CRHR2: variants seen among roughly 807,000 people sequenced by gnomAD.
CRHR2 encodes the protein corticotropin-releasing hormone receptor 2.
In CRHR2, 53 loss-of-function variants were observed where a neutral mutation model predicts 57.9. That is an observed-to-expected ratio of 0.92 (90% CI 0.73 to 1.15). The LOEUF is 1.15. CRHR2 is among the 50% of genes most tolerant of loss of function. The pLI, the probability that CRHR2 is intolerant of heterozygous loss-of-function variation, is 0.00. For missense variants in CRHR2, 532 were observed against 542.6 expected (o/e 0.98, Z 0.19); for synonymous variants, 213 against 220.9 (o/e 0.96, Z 0.32).
intron 1 of CRHR2, among the ~76,000 whole-genome samples, chr7:30,694,143 G>A (rs963611003): frequency 6.6e-6 from 1 of 152,204 alleles, no homozygotes; most frequent in African/African-American, 2.4e-5. Flanking sequence ...TGAAACCATG[G>A]CCCCCTCAGC....
At chr7:30,660,043 A>G (rs1783937001) in intron 8 of CRHR2, among the ~76,000 whole-genome samples, 1 of 152,172 alleles carries the variant, frequency 6.6e-6, no homozygotes, top group Non-Finnish European at 1.5e-5. Flanking sequence ...TGGATTAAAG[A>G]TGTGTGGCAA....
At chr7:30,668,560 G>C (rs1784257673) in intron 2 of CRHR2, among the ~76,000 whole-genome samples, 1 of 152,158 alleles carries the variant, frequency 6.6e-6, no homozygotes, top group South Asian at 2.1e-4. Flanking sequence ...GGAACCTTAG[G>C]TTGTTTTTGG....
At chr7:30,688,971 C>G in intron 2 of CRHR2, 1 of 644,004 alleles carries the variant, frequency 1.6e-6, no homozygotes, top group Middle Eastern at 2.4e-4. Context: ...GGAGTGGCCT[C>G]CCAGCCAAGC....
intron 8 of CRHR2, among the ~76,000 whole-genome samples, chr7:30,658,117 T>C (rs986979716): frequency 6.6e-6 from 1 of 152,124 alleles, no homozygotes; most frequent in African/African-American, 2.4e-5. Flanking sequence ...TGAGCCTGTT[T>C]CCCAGCCTCC....
rs753973145 is a variant in CRHR2, at chr7:30,662,735, G to C, written c.656C>G (p.Thr219Ser). ...GAAGAGGCACTTGCGCAGGCGCTCAGTGGAGTAGGTCATGACAATGGCCGT... is the reference window on the plus strand; with the variant it reads ...GAAGAGGCACTTGCGCAGGCGCTCACTGGAGTAGGTCATGACAATGGCCGT... Reference protein sequence around the residue: ...LHTAIVMTYSTERLRKCLFLF... With the variant: ...LHTAIVMTYSSERLRKCLFLF... Residue 219 changes from threonine (T) to serine (S), a missense_variant, in exon 6 of 12, where the codon ACT becomes AGT. By Grantham distance (58) the Thr-to-Ser change is moderately conservative (BLOSUM62 1). Coordinates refer to ENST00000471646, the MANE Select transcript of CRHR2 (RefSeq NM_001883.5). 6 of 1,614,104 alleles carry C rather than the reference G, an allele frequency of 3.7e-6. No homozygotes were observed. Among genetic ancestry groups the C allele is most frequent in the Non-Finnish European group, 5.1e-6 (6 of 1,180,048 alleles).
At chr7:30,667,639 A>G (rs530205903) in intron 2 of CRHR2, among the ~76,000 whole-genome samples, 34 of 152,386 alleles carry the variant, frequency 2.2e-4, no homozygotes, top group Admixed American at 7.2e-4. Flanking sequence ...TGCTTTCAGC[A>G]TGCCACATAA....
chr7:30,682,468 C>T (rs900167074), upstream of CRHR2: 2 of 1,327,802 alleles, frequency 1.5e-6, no homozygotes, highest in Non-Finnish European at 1.9e-6. Flanking sequence ...GGGACCTTCC[C>T]GGAGAGGAGC....
At chr7:30,695,414 G>A (rs897688410) in intron 1 of CRHR2, among the ~76,000 whole-genome samples, 3 of 152,166 alleles carry the variant, frequency 2.0e-5, no homozygotes, top group Admixed American at 1.3e-4. Flanking sequence ...GCTCCCCCGG[G>A]AGGCTTTAGG....
Position 30,688,119 on chromosome 7 carries a change from G to A in CRHR2, c.-167+1072C>T, listed in dbSNP as rs568805855. Among the ~76,000 whole-genome samples, 8 of 152,270 alleles carry A rather than the reference G, an allele frequency of 5.3e-5. No individual in the cohort carries two copies. The East Asian group carries it at 5.8e-4, about 11-fold the overall frequency. ...GTGATTAAAGTAAAGTAAGGTAAGC[G>A]GGCTTTAATCCAATAGGACTGGTGT... On this transcript the variant is annotated intron_variant, in intron 2 of 13. Transcript: ENST00000341843.
At chr7:30,655,258 G>A (rs1204225477) in intron 10 of CRHR2, among the ~76,000 whole-genome samples, 178 bp from the exon 11 acceptor site, 2 of 152,208 alleles carry the variant, frequency 1.3e-5, no homozygotes, top group African/African-American at 4.8e-5. Context: ...TCCACTCTGA[G>A]TGAGCAGTGG....
chr7:30,655,173 G>C, intron 10 of CRHR2, 93 bp from the exon 11 acceptor site: 4 of 1,397,382 alleles, frequency 2.9e-6, no homozygotes, highest in South Asian at 1.3e-5. Context: ...TGGTGGGGGG[G>C]GGACAATTTG....
chr7:30,654,652 G>T (rs1783708617), intron 11 of CRHR2: 5 of 1,523,126 alleles, frequency 3.3e-6, no homozygotes, highest in Admixed American at 2.0e-5. Flanking sequence ...GGCAGGTAGC[G>T]GGGGAATGTG....
At chr7:30,669,490 A>T (rs1199951833) in intron 2 of CRHR2, among the ~76,000 whole-genome samples, 1 of 152,098 alleles carries the variant, frequency 6.6e-6, no homozygotes, top group Non-Finnish European at 1.5e-5. Flanking sequence ...GGGGGTCAGG[A>T]TAGAAATGCT....
chr7:30,682,186 TC>T lies in CRHR2; in HGVS notation c.94del (p.Asp32ThrfsTer119). The stretch of plus-strand genomic sequence containing the variant: ...GCTCGCCTCCCGCCTACCCTCGGGG[TC>T]CAGGGGTGGCCCCCAGCCGTCCAAG... Reference protein sequence around the residue: ...LLLDGWGPPLDPEGPYSYCNT... With the variant: ...LLLDGWGPPLXPEGPYSYCNT... On this transcript the variant is annotated frameshift_variant, in exon 1 of 12. Coordinates refer to ENST00000471646, the MANE Select transcript of CRHR2 (RefSeq NM_001883.5). LOFTEE classifies it high-confidence loss of function. The T allele has an allele frequency of 6.3e-7, 1 of 1,581,972 alleles. No individual in the cohort carries two copies. Among genetic ancestry groups the T allele is most frequent in the South Asian group, 1.1e-5 (1 of 87,520 alleles).
chr7:30,689,714 G>T (rs1784924192), intron 1 of CRHR2, among the ~76,000 whole-genome samples: 1 of 152,206 alleles, frequency 6.6e-6, no homozygotes, highest in African/African-American at 2.4e-5. Context: ...TGTCCTTCAG[G>T]TAGTCCCAGG....
At chr7:30,692,869 G>T (rs1461202254) in intron 1 of CRHR2, among the ~76,000 whole-genome samples, 2 of 152,200 alleles carry the variant, frequency 1.3e-5, no homozygotes, top group East Asian at 3.9e-4. Context: ...CAGGTAAGGG[G>T]CAGAGGCAAG....
chr7:30,673,807 C>T (rs1359205698), intron 2 of CRHR2, among the ~76,000 whole-genome samples: 3 of 152,148 alleles, frequency 2.0e-5, no homozygotes, highest in Non-Finnish European at 2.9e-5. Context: ...TGTCTTGATC[C>T]GATCACAGCA....
intron 2 of CRHR2, among the ~76,000 whole-genome samples, chr7:30,677,707 T>G (rs1241637858): frequency 5.9e-5 from 9 of 152,090 alleles, no homozygotes; most frequent in Non-Finnish European, 4.4e-5. Flanking sequence ...CCCGAGGGAA[T>G]TAGTGAACTG....
At position 30,656,975 on chromosome 7, in the gene CRHR2, G is replaced by T. The variant is rs927096063; in HGVS notation, c.832-963C>A. Among the ~76,000 whole-genome samples the T allele has an allele frequency of 6.6e-6, 1 of 152,148 alleles. No individual in the cohort carries two copies. The highest frequency in any genetic ancestry group is 6.5e-5 in the Admixed American group (1 of 15,290). ...TAGGCAGGCAGGCAGGCAAGGGAGTGTGTGTCGGCCTGACACAGTGGGGCT... is the reference window on the plus strand; with the variant it reads ...TAGGCAGGCAGGCAGGCAAGGGAGTTTGTGTCGGCCTGACACAGTGGGGCT... On this transcript the variant is annotated intron_variant, in intron 8 of 11. Transcript: ENST00000471646. The surrounding 1 kb of genome is among the most constrained non-coding windows in gnomAD (Gnocchi z 4.4).
Sources: allele counts gnomAD v4.1 joint callset (sites outside exome capture counted in the v4.1 genomes callset), GRCh38; gene constraint gnomAD v4.1.1; non-coding constraint Gnocchi (gnomAD v3.1); transcripts MANE v1.5; gene names NCBI Gene and HGNC (gene_info 2026-07-23, HGNC 2026-07-21).